The following TANC2 variants were observed in gnomAD, a reference collection of about 807,000 sequenced individuals.
The protein encoded by TANC2 is protein TANC2.
A neutral mutation model predicts 210.5 loss-of-function variants in TANC2; 26 were observed. That is an observed-to-expected ratio of 0.12 (90% confidence interval 0.09 to 0.17). The LOEUF is 0.17. TANC2 is among the 10% of genes least tolerant of loss of function. TANC2 has a pLI of 1.00. For missense variants in TANC2, 2,129 were observed against 2,608.9 expected (o/e 0.82, Z 4.01); for synonymous variants, 931 against 967.1 (o/e 0.96, Z 0.69).
intron 8 of TANC2, among the ~76,000 whole-genome samples, chr17:63,251,813 A>G (rs1313980036): frequency 6.6e-6 from 1 of 152,032 alleles, no homozygotes; most frequent in African/African-American, 2.4e-5. Context: ...TGATGGCAAT[A>G]TTTGTCTTTT....
At chr17:63,411,774 T>C (rs1456789115) in intron 22 of TANC2, 88 bp downstream of exon 22, 10 of 1,494,742 alleles carry the variant, frequency 6.7e-6, no homozygotes, top group Non-Finnish European at 9.0e-6. Context: ...GAGTGATGTA[T>C]TGATGATTCC....
At chr17:63,392,135 G>A (rs984352882) in intron 17 of TANC2, among the ~76,000 whole-genome samples, 2 of 152,116 alleles carry the variant, frequency 1.3e-5, no homozygotes, top group Non-Finnish European at 2.9e-5. Context: ...CCTCATACTC[G>A]CCATGGCTTC....
chr17:63,355,088 T>A, exon 14 of TANC2: 2 of 1,613,898 alleles, frequency 1.2e-6, no homozygotes, highest in Non-Finnish European at 1.7e-6. Context: ...TCTCAGAGGT[T>A]TATTTACTCC....
intron 1 of TANC2, among the ~76,000 whole-genome samples, chr17:62,972,903 A>C (rs989608377): frequency 2.0e-5 from 3 of 152,098 alleles, no homozygotes; most frequent in African/African-American, 7.2e-5. Flanking sequence ...AAACTGCTTC[A>C]CAGCCATCAT....
intron 7 of TANC2, among the ~76,000 whole-genome samples, chr17:63,231,972 C>CTAATCTT (rs2042488562): frequency 6.6e-6 from 1 of 152,106 alleles, no homozygotes; most frequent in African/African-American, 2.4e-5. Flanking sequence ...CTTCTTTTCT[C>CTAATCTT]TAATCTTTTC....
intron 15 of TANC2, among the ~76,000 whole-genome samples, chr17:63,384,399 A>C (rs1300116315): frequency 6.6e-6 from 1 of 151,964 alleles, no homozygotes; most frequent in Non-Finnish European, 1.5e-5. Context: ...GCCCTTACTA[A>C]GTGGTTGTGA....
chr17:63,020,698 T>C (rs7503814), intron 2 of TANC2, among the ~76,000 whole-genome samples: 136,250 of 152,204 alleles, frequency 0.9, 61,391 homozygotes, highest in East Asian at 0.99. Flanking sequence ...TAGAATCATG[T>C]GTGACTGTTT....
At chr17:63,103,589 C>T (rs1389981116) in intron 4 of TANC2, among the ~76,000 whole-genome samples, 2 of 152,030 alleles carry the variant, frequency 1.3e-5, no homozygotes, top group African/African-American at 4.8e-5. Context: ...ATAATACAAC[C>T]GACTTCATGG....
intron 4 of TANC2, among the ~76,000 whole-genome samples, chr17:63,108,699 C>T (rs968182781): frequency 6.6e-6 from 1 of 151,556 alleles, no homozygotes; most frequent in Non-Finnish European, 1.5e-5. Flanking sequence ...GTCCCAGCTC[C>T]TTGGGAGGCT....
At chr17:63,297,529 C>T (rs184928085) in intron 9 of TANC2, among the ~76,000 whole-genome samples, 2 of 152,186 alleles carry the variant, frequency 1.3e-5, no homozygotes, top group Non-Finnish European at 2.9e-5. Context: ...AAGTTGGACC[C>T]TACCTCACAC....
intron 3 of TANC2, among the ~76,000 whole-genome samples, chr17:63,089,931 A>T (rs1598382416): frequency 2.0e-5 from 3 of 152,054 alleles, no homozygotes; most frequent in Non-Finnish European, 4.4e-5. Context: ...TAGGTTTTTT[A>T]AAAGTCAGGT....
chr17:63,090,337 C>T (rs2037137931), intron 3 of TANC2, among the ~76,000 whole-genome samples: 1 of 151,470 alleles, frequency 6.6e-6, no homozygotes, highest in South Asian at 2.1e-4. Flanking sequence ...ACATTAGGTA[C>T]ATCTCCTAGT....
intron 21 of TANC2, among the ~76,000 whole-genome samples, chr17:63,407,153 A>C (rs560386933): frequency 6.6e-5 from 10 of 152,382 alleles, no homozygotes; most frequent in Non-Finnish European, 1.5e-4. Flanking sequence ...ACTACAGCTC[A>C]GTCAGAGACT....
chr17:63,077,788 A>G (rs991127748), intron 3 of TANC2, among the ~76,000 whole-genome samples: 7 of 152,196 alleles, frequency 4.6e-5, no homozygotes, highest in African/African-American at 7.2e-5. Flanking sequence ...TTACTTAATT[A>G]TGTGGTACAA....
At chr17:63,107,455 A>G (rs532650561) in intron 4 of TANC2, among the ~76,000 whole-genome samples, 2 of 151,870 alleles carry the variant, frequency 1.3e-5, no homozygotes, top group East Asian at 1.9e-4. Context: ...TTTTTTATGC[A>G]TGAGACAACA....
intron 14 of TANC2, among the ~76,000 whole-genome samples, chr17:63,370,420 C>T (rs550207493): frequency 9.9e-5 from 15 of 151,736 alleles, no homozygotes; most frequent in Non-Finnish European, 7.4e-5. Context: ...CCTCGTGATC[C>T]GCCCGCCTCG....
At chr17:63,379,666 C>G in intron 14 of TANC2, 52 bp from the exon 15 acceptor site, 1 of 1,409,564 alleles carries the variant, frequency 7.1e-7, no homozygotes, top group Non-Finnish European at 9.7e-7. Flanking sequence ...GAGACTCCAT[C>G]TCAATAAATA....
At chr17:63,265,493 A>C (rs1252034391) in intron 8 of TANC2, among the ~76,000 whole-genome samples, 3 of 152,164 alleles carry the variant, frequency 2.0e-5, no homozygotes. Flanking sequence ...GAAAAGTAGG[A>C]TATCCTAATA....
At chr17:63,406,890 T>C (rs1454915323) in intron 21 of TANC2, among the ~76,000 whole-genome samples, 2 of 152,202 alleles carry the variant, frequency 1.3e-5, no homozygotes, top group East Asian at 3.9e-4. Context: ...ACCTCTGTAG[T>C]AGAAAAAGCT....
Sources: gnomAD v4.1 joint callset for allele counts (sites outside exome capture counted in the v4.1 genomes callset) on GRCh38, gnomAD v4.1.1 for gene constraint, MANE v1.5 for transcripts, NCBI Gene and HGNC (gene_info 2026-07-23, HGNC 2026-07-21) for gene names.